The following RIMS2 variants were observed in gnomAD, a reference collection of about 807,000 sequenced individuals.
RIMS2 encodes the protein regulating synaptic membrane exocytosis protein 2.
Under a neutral mutation model 174.4 loss-of-function variants are expected in RIMS2, and 59 were observed. That is an observed-to-expected ratio of 0.34 (90% CI 0.27 to 0.42). The LOEUF is 0.42. Ranked by LOEUF, RIMS2 falls within the 10% of genes least tolerant of loss-of-function variation. RIMS2 has a pLI of 1.00. For missense variants in RIMS2, 1,620 were observed against 1,666.3 expected (o/e 0.97, Z 0.48); for synonymous variants, 606 against 572.5 (o/e 1.06, Z -0.84).
At chr8:103,897,807 C>G (rs114372000) in intron 4 of RIMS2, among the ~76,000 whole-genome samples, 1 of 151,616 alleles carries the variant, frequency 6.6e-6, no homozygotes, top group South Asian at 2.1e-4. Context: ...TATATGGCTT[C>G]TTTTCCCACC....
chr8:104,178,311 C>T (rs1224156780), intron 19 of RIMS2, among the ~76,000 whole-genome samples: 2 of 152,144 alleles, frequency 1.3e-5, no homozygotes, highest in African/African-American at 4.8e-5. Context: ...TGCCTGTAAG[C>T]TGAGGGTCAT....
At chr8:103,518,664 T>A (rs1425376633) in intron 1 of RIMS2, among the ~76,000 whole-genome samples, 2 of 152,110 alleles carry the variant, frequency 1.3e-5, no homozygotes, top group East Asian at 3.8e-4. Flanking sequence ...AAATTTGGGT[T>A]TATCTTATTG....
At chr8:103,501,887 T>C (rs1820271559) in intron 1 of RIMS2, among the ~76,000 whole-genome samples, 1 of 151,998 alleles carries the variant, frequency 6.6e-6, no homozygotes, top group African/African-American at 2.4e-5. Flanking sequence ...GGCATGCGTT[T>C]ACCGGCTCTG....
intron 16 of RIMS2, chr8:103,976,330 A>C (rs2093419747): frequency 6.6e-6 from 1 of 152,176 alleles, no homozygotes; most frequent in African/African-American, 2.4e-5. Flanking sequence ...TAGACAACCT[A>C]TATGTTATTT....
intron 19 of RIMS2, among the ~76,000 whole-genome samples, chr8:104,156,688 G>C (rs917175380): frequency 6.6e-6 from 1 of 152,118 alleles, no homozygotes; most frequent in African/African-American, 2.4e-5. Context: ...TACAGAACTA[G>C]AAGTGAGATT....
intron 19 of RIMS2, among the ~76,000 whole-genome samples, chr8:104,118,686 A>T (rs559285086): frequency 6.6e-6 from 1 of 152,164 alleles, no homozygotes; most frequent in South Asian, 2.1e-4. Flanking sequence ...TTAAGTTTTC[A>T]TGGTGTTTTA....
At chr8:103,632,445 G>T (rs1276862712) in intron 1 of RIMS2, among the ~76,000 whole-genome samples, 1 of 152,144 alleles carries the variant, frequency 6.6e-6, no homozygotes, top group African/African-American at 2.4e-5. Context: ...TTTTGAGGCG[G>T]AGTCTTGCTC....
chr8:103,818,528 A>G (rs1432633532), intron 3 of RIMS2, among the ~76,000 whole-genome samples: 2 of 152,200 alleles, frequency 1.3e-5, no homozygotes, highest in Admixed American at 6.5e-5. Context: ...ACAAAATGCT[A>G]TGACCACCAT....
At chr8:103,756,604 T>A (rs2139978899) in intron 2 of RIMS2, among the ~76,000 whole-genome samples, 1 of 151,948 alleles carries the variant, frequency 6.6e-6, no homozygotes, top group South Asian at 2.1e-4. Context: ...TGTTTAATTT[T>A]TTGTAGAGAT....
intron 2 of RIMS2, among the ~76,000 whole-genome samples, chr8:103,706,081 T>C (rs564197517): frequency 6.6e-6 from 1 of 152,182 alleles, no homozygotes; most frequent in African/African-American, 2.4e-5. Context: ...ATTATAGGTA[T>C]TTCTTCGTCG....
chr8:104,058,105 A>G (rs1406689121), intron 19 of RIMS2, among the ~76,000 whole-genome samples: 4 of 148,762 alleles, frequency 2.7e-5, no homozygotes, highest in African/African-American at 4.9e-5. Flanking sequence ...GGCTGGGTCA[A>G]ATGGTATTTC....
chr8:103,811,981 A>G (rs1186597129), intron 3 of RIMS2, among the ~76,000 whole-genome samples: 1 of 152,216 alleles, frequency 6.6e-6, no homozygotes, highest in Non-Finnish European at 1.5e-5. Flanking sequence ...ATTAGATGCC[A>G]TAAACTGTTG....
chr8:103,812,423 C>T (rs564376814), intron 3 of RIMS2, among the ~76,000 whole-genome samples: 2 of 144,710 alleles, frequency 1.4e-5, no homozygotes, highest in East Asian at 2.4e-4. Context: ...GATCTTGGCT[C>T]ACTGTGCAAT....
chr8:104,244,770 T>C, intron 19 of RIMS2, 146 bp from the exon 26 acceptor site: 2 of 648,230 alleles, frequency 3.1e-6, no homozygotes, highest in Non-Finnish European at 5.4e-6. Flanking sequence ...TAAAATTGTT[T>C]TAAATACCTT....
At chr8:104,106,867 T>C (rs56250702) in intron 19 of RIMS2, among the ~76,000 whole-genome samples, 14,716 of 152,200 alleles carry the variant, frequency 0.097, 972 homozygotes, top group Non-Finnish European at 0.14. Flanking sequence ...TTTATAGATA[T>C]AGTAAAAGAA....
intron 1 of RIMS2, among the ~76,000 whole-genome samples, chr8:103,599,657 C>T (rs951161734): frequency 6.6e-6 from 1 of 151,714 alleles, no homozygotes; most frequent in Non-Finnish European, 1.5e-5. Context: ...CACTATACTA[C>T]CCAGGCTGGT....
chr8:103,619,092 T>TG (rs1478456468), intron 1 of RIMS2, among the ~76,000 whole-genome samples: 6 of 107,114 alleles, frequency 5.6e-5, no homozygotes, highest in African/African-American at 1.2e-4. Flanking sequence ...CACTTTTTGC[T>TG]GAAAAAAAAA....
chr8:103,561,535 G>A (rs950172803), intron 1 of RIMS2, among the ~76,000 whole-genome samples: 4 of 152,004 alleles, frequency 2.6e-5, no homozygotes, highest in Non-Finnish European at 4.4e-5. Context: ...CTTACCCATC[G>A]AAAGACATTT....
At chr8:104,082,952 CAA>C (rs990235135) in intron 19 of RIMS2, among the ~76,000 whole-genome samples, 4 of 152,112 alleles carry the variant, frequency 2.6e-5, no homozygotes, top group African/African-American at 7.2e-5. Context: ...ACATTACAGA[CAA>C]AGAGTCCCAT....
Sources: gnomAD v4.1 joint callset for allele counts (sites outside exome capture counted in the v4.1 genomes callset) on GRCh38, gnomAD v4.1.1 for gene constraint, MANE v1.5 for transcripts, NCBI Gene and HGNC (gene_info 2026-07-23, HGNC 2026-07-21) for gene names.